Variants in CDC25A observed in about 807,000 individuals in gnomAD.
The protein encoded by CDC25A is cell division cycle 25A, also known as M-phase inducer phosphatase 1.
Under a neutral mutation model 64.6 loss-of-function variants are expected in CDC25A, and 17 were observed. The observed-to-expected ratio is 0.26, with a 90% CI of 0.18 to 0.39. CDC25A has a LOEUF of 0.39. Ranked by LOEUF, CDC25A falls within the 10% of genes least tolerant of loss-of-function variation. The pLI, the probability that CDC25A is intolerant of heterozygous loss-of-function variation, is 1.00. For synonymous variants in CDC25A, 229 were observed against 238.6 expected, an observed-to-expected ratio of 0.96 and a Z score of 0.37; for missense variants, 473 against 654.8, an observed-to-expected ratio of 0.72 and a Z score of 3.03.
At chr3:48,167,329 C>T (rs997691834) in intron 10 of CDC25A, among the ~76,000 whole-genome samples, 5 of 152,180 alleles carry the variant, frequency 3.3e-5, no homozygotes, top group African/African-American at 9.7e-5. Context: ...ATTCCCTGTC[C>T]TAGCCTTGTA....
intron 4 of CDC25A, among the ~76,000 whole-genome samples, chr3:48,183,530 A>G (rs138869015): frequency 1.9e-3 from 289 of 152,218 alleles, no homozygotes; most frequent in African/African-American, 6.4e-3. Flanking sequence ...TACAAAAATC[A>G]GCCGGGTGTG....
chr3:48,164,229 T>C, intron 13 of CDC25A, 78 bp downstream of exon 13: 4 of 1,362,902 alleles, frequency 2.9e-6, no homozygotes, highest in Non-Finnish European at 3.9e-6. Flanking sequence ...ATGCTCCAAG[T>C]GCAAGCCACA....
At chr3:48,176,476 T>G (rs1259856544) in intron 8 of CDC25A, among the ~76,000 whole-genome samples, 2 of 149,164 alleles carry the variant, frequency 1.3e-5, no homozygotes, top group Non-Finnish European at 3.0e-5. Context: ...ATGCTTTCTG[T>G]TTGAAAGTAT....
At chr3:48,183,386 TC>T (rs2032735434) in intron 4 of CDC25A, among the ~76,000 whole-genome samples, 1 of 152,206 alleles carries the variant, frequency 6.6e-6, no homozygotes, top group Non-Finnish European at 1.5e-5. Context: ...AGACCGAACA[TC>T]TTGAGTACTT....
At chr3:48,169,848 A>C (rs1003732321) in intron 9 of CDC25A, among the ~76,000 whole-genome samples, 4 of 152,034 alleles carry the variant, frequency 2.6e-5, no homozygotes, top group Non-Finnish European at 5.9e-5. Context: ...TCTCTACTAA[A>C]AATATAAAAA....
rs1013133748 is a variant in CDC25A, at chr3:48,157,737, T to C, written c.*1208A>G. On this transcript the variant is annotated 3_prime_UTR_variant, in exon 15 of 15. Transcript: ENST00000302506. ...AAAACATGATAAACCCAGAAAGTTT[T>C]ACCTTCAAAATCCACCAAGCTCCCT... is the stretch of plus-strand genomic sequence containing the variant. 3.4e-4 allele frequency: 52 copies of C among 152,592 alleles called. No individual in the cohort carries two copies. Among genetic ancestry groups the C allele is most frequent in the African/African-American group, 1.2e-3 (50 of 41,432 alleles). 9.5% of individuals were successfully genotyped at this position (152,592 alleles called of 1,614,324 possible). A position where few individuals can be genotyped will look rare whatever the true frequency, so the allele number is the denominator to read the frequency against.
chr3:48,162,488 C>G (rs1328973960), intron 13 of CDC25A, among the ~76,000 whole-genome samples: 2 of 151,994 alleles, frequency 1.3e-5, no homozygotes, highest in African/African-American at 4.8e-5. Flanking sequence ...CCTGCCTCGG[C>G]CTCCCAAAGT....
chr3:48,169,958 G>C (rs911085053), intron 9 of CDC25A, among the ~76,000 whole-genome samples: 2 of 151,818 alleles, frequency 1.3e-5, no homozygotes, highest in Non-Finnish European at 2.9e-5. Context: ...GCAGTGAGCA[G>C]AGATCGACCC....
intron 6 of CDC25A, 44 bp downstream of exon 6, chr3:48,180,677 T>C (rs1403817104): frequency 2.5e-6 from 4 of 1,607,276 alleles, no homozygotes; most frequent in Non-Finnish European, 3.4e-6. Context: ...GTTTTAATCC[T>C]TTCTTCCTGT....
In CDC25A at chr3:48,165,659, C is replaced by T; in HGVS notation, c.1168G>A (p.Glu390Lys). ...ACCTTGATGTGGCCTCCCTCGTATT[C>T]ATATGGGTATCGACAGTCGATGATA... ...FVIIDCRYPY[E>K]YEGGHIKGAV... is the part of the protein sequence containing the mutation. The change falls in exon 12 of 15, where the codon GAA (glutamate) becomes AAA (lysine). Residue 390 changes from glutamate to lysine, a missense_variant. Around this residue, in one of 2 missense-constraint regions of CDC25A, gnomAD observed 97 missense variants for 223.0 expected, o/e 0.43. Transcript: ENST00000302506. 1 of 1,613,538 alleles carries T rather than the reference C, an allele frequency of 6.2e-7. No individual in the cohort carries two copies. The highest frequency in any genetic ancestry group is 8.5e-7 in the Non-Finnish European group (1 of 1,179,480).
intron 9 of CDC25A, among the ~76,000 whole-genome samples, chr3:48,174,062 G>A (rs953585929): frequency 6.6e-6 from 1 of 152,176 alleles, no homozygotes; most frequent in Admixed American, 6.5e-5. Flanking sequence ...GGGAGGCCAA[G>A]GCAGGAGGAT....
rs2031657878 is a variant in CDC25A at position 48,159,471 on chromosome 3, A to C, written c.1323-16T>G. The C allele has an allele frequency of 1.3e-6, 2 of 1,586,898 alleles. No individual in the cohort carries two copies. The highest frequency in any genetic ancestry group is 1.7e-6 in the Non-Finnish European group (2 of 1,155,416). ...ATACCGGCACCTAGTCAGGGGAAGG[A>C]AGGCCAAAGCAGGGTTAGCTTTTCC... is the stretch of plus-strand genomic sequence containing the variant. On this transcript the variant is annotated splice_polypyrimidine_tract_variant and intron_variant, in intron 13 of 14. Coordinates refer to ENST00000302506, the MANE Select transcript of CDC25A (RefSeq NM_001789.3).
At chr3:48,175,526 AGTCCCC>A (rs2032425129) in intron 8 of CDC25A, among the ~76,000 whole-genome samples, 3 of 152,292 alleles carry the variant, frequency 2.0e-5, no homozygotes, top group African/African-American at 7.2e-5. Flanking sequence ...TCTTCCTGAT[AGTCCCC>A]AGTAGAATGG....
intron 7 of CDC25A, 28 bp downstream of exon 7, chr3:48,177,826 T>C (rs761144705): frequency 4.7e-6 from 7 of 1,493,736 alleles, no homozygotes; most frequent in South Asian, 3.5e-5. Context: ...GTAGAACAAA[T>C]AGGAACACAC....
At chr3:48,172,673 G>T (rs1237949352) in intron 9 of CDC25A, among the ~76,000 whole-genome samples, 2 of 152,220 alleles carry the variant, frequency 1.3e-5, no homozygotes, top group Non-Finnish European at 2.9e-5. Flanking sequence ...AGACCAGCCT[G>T]CGCAACATGG....
chr3:48,172,163 C>T (rs566051547), intron 9 of CDC25A, among the ~76,000 whole-genome samples: 1 of 152,038 alleles, frequency 6.6e-6, no homozygotes, highest in East Asian at 1.9e-4. Context: ...GACCCTGTGC[C>T]CCCCACAAAC....
chr3:48,186,864 A>G, intron 1 of CDC25A, 85 bp from the exon 2 acceptor site: 1 of 928,126 alleles, frequency 1.1e-6, no homozygotes, highest in Non-Finnish European at 1.7e-6. Flanking sequence ...GAGATTAAGA[A>G]GCAGCCAGGC....
At chr3:48,170,497 T>C (rs955414779) in intron 9 of CDC25A, among the ~76,000 whole-genome samples, 6 of 152,200 alleles carry the variant, frequency 3.9e-5, no homozygotes, top group African/African-American at 1.2e-4. Context: ...GGGTGAGGTA[T>C]GGGAGAAGGG....
intron 1 of CDC25A, 152 bp downstream of exon 1, chr3:48,187,626 G>A (rs1232304792): frequency 5.7e-6 from 4 of 705,316 alleles, no homozygotes; most frequent in Middle Eastern, 4.2e-4. Context: ...CCGGGCGGGG[G>A]TGCACATGGC....
Sources: gnomAD v4.1 joint callset for allele counts (sites outside exome capture counted in the v4.1 genomes callset) on GRCh38, gnomAD v4.1.1 for gene constraint, gnomAD v4.1.1 regional missense constraint, MANE v1.5 for transcripts, NCBI Gene and HGNC (gene_info 2026-07-23, HGNC 2026-07-21) for gene names.